MAP4K4: variants seen among roughly 807,000 people sequenced by gnomAD.
MAP4K4 encodes HPK/GCK-like kinase HGK.
MAP4K4 carries 38 observed loss-of-function variants against 189.6 expected under a neutral mutation model. That is an observed-to-expected ratio of 0.20 (90% CI 0.15 to 0.26). MAP4K4 has a LOEUF of 0.26. MAP4K4 is among the 10% of genes least tolerant of loss of function. The probability of loss-of-function intolerance (pLI) is 1.00; values close to 1 mark genes in which losing one functional copy is unlikely to be tolerated. For synonymous variants in MAP4K4, 610 were observed against 624.3 expected, an observed-to-expected ratio of 0.98 and a Z score of 0.34; for missense variants, 1,054 against 1,726.9, an observed-to-expected ratio of 0.61 and a Z score of 6.91.
chr2:101,795,961 C>T (rs1438674823), intron 3 of MAP4K4, among the ~76,000 whole-genome samples: 3 of 152,134 alleles, frequency 2.0e-5, no homozygotes, highest in Non-Finnish European at 4.4e-5. Context: ...GTTATTTTGG[C>T]CCTTTGCTTT....
chr2:101,753,907 A>T (rs147611237), intron 2 of MAP4K4, among the ~76,000 whole-genome samples: 1 of 152,148 alleles, frequency 6.6e-6, no homozygotes, highest in African/African-American at 2.4e-5. Flanking sequence ...AGGAACCACT[A>T]AAGTTCAACA....
At chr2:101,787,283 C>T (rs570468284) in intron 2 of MAP4K4, among the ~76,000 whole-genome samples, 1 of 152,318 alleles carries the variant, frequency 6.6e-6, no homozygotes, top group Admixed American at 6.5e-5. Context: ...CCTTAAGAAA[C>T]ATTATAGAGG....
intron 32 of MAP4K4, among the ~76,000 whole-genome samples, chr2:101,889,412 T>G (rs914475984): frequency 1.3e-5 from 2 of 152,122 alleles, no homozygotes; most frequent in African/African-American, 4.8e-5. Context: ...AAAATCATCT[T>G]ATGCAGACAT....
In MAP4K4 at chr2:101,831,686, A is replaced by C. The variant is rs1391974599; in HGVS notation, c.509-35A>C. On this transcript the variant is annotated intron_variant, in intron 6 of 32. Coordinates refer to ENST00000324219, the Ensembl canonical transcript of MAP4K4. ...GTATATCTGGTTTGTAGTTGTGTTTATCTTTCTTTATCTGCCTTTTTCTTC... is the reference window on the plus strand; with the variant it reads ...GTATATCTGGTTTGTAGTTGTGTTTCTCTTTCTTTATCTGCCTTTTTCTTC... The C allele has an allele frequency of 7.7e-6, 12 of 1,566,586 alleles. No individual in the cohort carries two copies. The South Asian group carries it at 1.4e-4, about 18-fold the overall frequency.
intron 2 of MAP4K4, among the ~76,000 whole-genome samples, chr2:101,709,407 T>G (rs1372334712): frequency 1.3e-5 from 2 of 152,244 alleles, no homozygotes; most frequent in East Asian, 3.9e-4. Flanking sequence ...TTCGCCCTGT[T>G]GGCAAGGCTA....
chr2:101,803,704 G>T lies in MAP4K4; in HGVS notation c.180+12928G>T, dbSNP rs868481571. 2.0e-5 allele frequency among the ~76,000 whole-genome samples: 3 copies of T among 152,260 alleles called. No homozygotes were observed. The South Asian group carries it at 6.2e-4, about 32-fold the overall frequency. ...TGTCAACGTCTTGTGAAAATCTATA[G>T]TAGCAACATACACAGGATCTTAAAC... On this transcript the variant is annotated intron_variant, in intron 3 of 32. Transcript: ENST00000324219.
intron 2 of MAP4K4, among the ~76,000 whole-genome samples, chr2:101,737,462 T>TATATATATATATATA (rs1553406708): frequency 1.3e-4 from 3 of 22,792 alleles, no homozygotes; most frequent in African/African-American, 1.6e-4. Flanking sequence ...TATATATATA[T>TATATATATATATATA]TTTTTTTTTT....
intron 11 of MAP4K4, among the ~76,000 whole-genome samples, chr2:101,843,341 G>A (rs1228880473): frequency 2.0e-5 from 3 of 152,178 alleles, no homozygotes; most frequent in Admixed American, 6.5e-5. Context: ...ATGGGACTTG[G>A]AACAGAGAGA....
intron 2 of MAP4K4, among the ~76,000 whole-genome samples, chr2:101,745,108 C>T (rs556694295): frequency 2.0e-5 from 3 of 152,102 alleles, no homozygotes; most frequent in South Asian, 2.1e-4. Context: ...AGAATGATGA[C>T]GTTGGGACTT....
intron 2 of MAP4K4, among the ~76,000 whole-genome samples, chr2:101,734,413 G>C (rs1211397716): frequency 6.6e-6 from 1 of 152,204 alleles, no homozygotes; most frequent in East Asian, 1.9e-4. Flanking sequence ...GTTGTGCTGA[G>C]TGGTAATTTA....
exon 12 of MAP4K4, chr2:101,844,301 G>A (rs779680789): frequency 5.8e-6 from 9 of 1,557,136 alleles, no homozygotes; most frequent in South Asian, 2.4e-5. Flanking sequence ...CAGAGGCGAC[G>A]GCTAGAAGAG....
intron 2 of MAP4K4, among the ~76,000 whole-genome samples, chr2:101,777,529 G>T (rs542939146): frequency 6.6e-6 from 1 of 152,272 alleles, no homozygotes; most frequent in South Asian, 2.1e-4. Flanking sequence ...GTCATTCATC[G>T]CCTCCATCTG....
At chr2:101,799,923 T>C (rs2094199615) in intron 3 of MAP4K4, among the ~76,000 whole-genome samples, 1 of 152,062 alleles carries the variant, frequency 6.6e-6, no homozygotes, top group East Asian at 1.9e-4. Flanking sequence ...GCTATTTTAA[T>C]CGTTAGCTAG....
At chr2:101,776,215 T>G (rs1258497527) in intron 2 of MAP4K4, among the ~76,000 whole-genome samples, 1 of 152,136 alleles carries the variant, frequency 6.6e-6, no homozygotes, top group African/African-American at 2.4e-5. Flanking sequence ...GCATATTTAA[T>G]TAAAAGTAAA....
intron 9 of MAP4K4, among the ~76,000 whole-genome samples, chr2:101,838,727 T>TA (rs1270674053): frequency 6.6e-6 from 1 of 152,240 alleles, no homozygotes; most frequent in Non-Finnish European, 1.5e-5. Flanking sequence ...AAATAGTTGA[T>TA]ACGTAAATAT....
intron 5 of MAP4K4, among the ~76,000 whole-genome samples, chr2:101,826,053 A>G (rs923522262): frequency 2.6e-5 from 4 of 152,322 alleles, no homozygotes; most frequent in Admixed American, 2.6e-4. Flanking sequence ...CAGTGCATGT[A>G]GGATATTACC....
intron 20 of MAP4K4, 96 bp from the exon 21 acceptor site, chr2:101,867,933 T>A (rs958971381): frequency 4.3e-5 from 52 of 1,198,004 alleles, no homozygotes; most frequent in Non-Finnish European, 6.4e-5. Context: ...TTTCTGTACT[T>A]CTCCCTCTCC....
chr2:101,892,192 T>C (rs1244107493), exon 33 of MAP4K4: 1 of 148,580 alleles, frequency 6.7e-6, no homozygotes, highest in Non-Finnish European at 1.5e-5. Context: ...TCAAACCACA[T>C]GTTTATTTTT....
At position 101,873,714 on chromosome 2, in the gene MAP4K4, C is replaced by A. The variant is rs764800572; in HGVS notation, c.3020C>A (p.Pro1007His). 8.7e-6 allele frequency: 14 copies of A among 1,613,092 alleles called. No individual in the cohort carries two copies. In the African/African-American group the frequency reaches 1.3e-4, roughly 15 times the overall value. Residue 1007 changes from proline to histidine, a missense_variant, in exon 25 of 33, where the codon CCC becomes CAC. Pro to His is a moderately conservative substitution (Grantham distance 77). Transcript: ENST00000324219. The stretch of plus-strand genomic sequence containing the variant: ...TCCTCCTTTACACCTTTTATAGACC[C>A]CAGATTACTACAGATTTCTCCATCT...
Sources: gnomAD v4.1 joint callset for allele counts (sites outside exome capture counted in the v4.1 genomes callset) on GRCh38, gnomAD v4.1.1 for gene constraint, MANE v1.5 for transcripts, NCBI Gene and HGNC (gene_info 2026-07-23, HGNC 2026-07-21) for gene names.